TPD52: variants seen among roughly 807,000 people sequenced by gnomAD.
TPD52 encodes tumor protein D52.
In TPD52, 17 loss-of-function variants were observed where a neutral mutation model predicts 31.3. The observed-to-expected ratio is 0.54, with a 90% CI of 0.37 to 0.82. TPD52 has a LOEUF of 0.82. Ranked by LOEUF, TPD52 falls within the 40% of genes least tolerant of loss-of-function variation. TPD52 has a pLI of 0.00. For missense variants in TPD52, 212 were observed against 240.1 expected, an observed-to-expected ratio of 0.88 and a Z score of 0.77; for synonymous variants, 83 against 89.6, an observed-to-expected ratio of 0.93 and a Z score of 0.42.
At chr8:80,049,516 G>A (rs1308761918) in intron 5 of TPD52, among the ~76,000 whole-genome samples, 1 of 152,074 alleles carries the variant, frequency 6.6e-6, no homozygotes, top group Non-Finnish European at 1.5e-5. Context: ...ACCAAGATAG[G>A]AGCTTTAAGT....
chr8:80,136,164 T>A (rs114680287), intron 1 of TPD52, among the ~76,000 whole-genome samples: 20,880 of 101,688 alleles, frequency 0.21, 2,495 homozygotes, highest in African/African-American at 0.4. Context: ...AAAAAAAAAA[T>A]TTCAGTCTTT....
chr8:80,093,482 TG>T (rs1265968998), intron 1 of TPD52, among the ~76,000 whole-genome samples: 1 of 152,178 alleles, frequency 6.6e-6, no homozygotes, highest in South Asian at 2.1e-4. Flanking sequence ...CAGCTATTCC[TG>T]GCAATGAGAG....
chr8:80,165,718 G>T (rs1265605801), intron 1 of TPD52, among the ~76,000 whole-genome samples: 1 of 151,990 alleles, frequency 6.6e-6, no homozygotes, highest in Admixed American at 6.5e-5. Flanking sequence ...CTCTTTTTTT[G>T]ACCTAGTATA....
intron 4 of TPD52, 125 bp downstream of exon 4, chr8:80,051,402 G>A (rs1811374979): frequency 4.9e-6 from 4 of 821,312 alleles, no homozygotes; most frequent in South Asian, 3.1e-5. Flanking sequence ...TTGAAGGAGT[G>A]CCCTCCCTCA....
chr8:80,151,079 G>A (rs1810537292), intron 1 of TPD52, among the ~76,000 whole-genome samples: 1 of 152,150 alleles, frequency 6.6e-6, no homozygotes, highest in South Asian at 2.1e-4. Context: ...AATCACGGGG[G>A]CAGGTCTTTC....
chr8:80,093,508 CTT>C (rs1729009694), intron 1 of TPD52, among the ~76,000 whole-genome samples: 1 of 152,198 alleles, frequency 6.6e-6, no homozygotes, highest in South Asian at 2.1e-4. Context: ...ATATGAAACA[CTT>C]TTCCTTAAGG....
At chr8:80,034,340 T>A (rs528785448), downstream of TPD52, among the ~76,000 whole-genome samples, 1 of 151,848 alleles carries the variant, frequency 6.6e-6, no homozygotes, top group Non-Finnish European at 1.5e-5. Context: ...CACAAGCTCC[T>A]GCCCTGCCAA....
chr8:80,148,048 C>T (rs1810322288), intron 1 of TPD52, among the ~76,000 whole-genome samples: 1 of 152,112 alleles, frequency 6.6e-6, no homozygotes, highest in African/African-American at 2.4e-5. Flanking sequence ...GAGAGACTGC[C>T]TTAAGAGGTA....
At chr8:80,155,139 AG>A (rs1810871684) in intron 1 of TPD52, among the ~76,000 whole-genome samples, 1 of 152,004 alleles carries the variant, frequency 6.6e-6, no homozygotes, top group African/African-American at 2.4e-5. Context: ...CTAGGATTAC[AG>A]GCATAAACAA....
chr8:80,168,886 A>G (rs895746627), intron 1 of TPD52, among the ~76,000 whole-genome samples: 5 of 152,360 alleles, frequency 3.3e-5, no homozygotes, highest in Admixed American at 6.5e-5. Context: ...CAGTCAACAC[A>G]TATTTCTAAG....
At position 80,042,601 on chromosome 8, in the gene TPD52, T is replaced by C. The variant is rs1214591139; in HGVS notation, c.504+19A>G. The C allele has an allele frequency of 6.2e-7, 1 of 1,603,068 alleles. No homozygotes were observed. The highest frequency in any genetic ancestry group is 8.5e-7 in the Non-Finnish European group (1 of 1,174,652). The stretch of plus-strand genomic sequence containing the variant: ...ACCAGGCAATGTATCAAAAAGACCC[T>C]GTTCATCTCTCTACTTGCCTTTAAG... On this transcript the variant is annotated intron_variant, in intron 7 of 7. Transcript: ENST00000518937.
chr8:80,074,075 T>G (rs75592696), intron 1 of TPD52, among the ~76,000 whole-genome samples: 4 of 152,156 alleles, frequency 2.6e-5, no homozygotes, highest in African/African-American at 9.7e-5. Flanking sequence ...AAAGAATCTG[T>G]TAACATATAT....
intron 1 of TPD52, among the ~76,000 whole-genome samples, chr8:80,154,706 TACACACACACACACACAC>T (rs36076685): frequency 9.0e-4 from 70 of 77,704 alleles, no homozygotes; most frequent in African/African-American, 5.8e-3. Context: ...AATCATGACA[TACACACACACACACACAC>T]ACACACACAC....
intron 1 of TPD52, among the ~76,000 whole-genome samples, chr8:80,065,228 C>CAT (rs142459673): frequency 0.016 from 2,465 of 150,168 alleles, 64 homozygotes; most frequent in African/African-American, 0.056. Flanking sequence ...TTCAAGCCAT[C>CAT]ATATATATAT....
intron 1 of TPD52, among the ~76,000 whole-genome samples, chr8:80,120,705 G>T (rs938853548): frequency 6.6e-6 from 1 of 152,240 alleles, no homozygotes; most frequent in Admixed American, 6.5e-5. Context: ...AAATATCTAA[G>T]ATAAATATTT....
chr8:80,066,309 T>G (rs564714400), intron 1 of TPD52, among the ~76,000 whole-genome samples: 1 of 152,088 alleles, frequency 6.6e-6, no homozygotes, highest in South Asian at 2.1e-4. Flanking sequence ...ATAATAATAA[T>G]CATCAGCATG....
chr8:80,167,373 G>GT (rs1563675667), intron 1 of TPD52, among the ~76,000 whole-genome samples: 1 of 152,182 alleles, frequency 6.6e-6, no homozygotes, highest in Non-Finnish European at 1.5e-5. Context: ...GTGAGTGAGC[G>GT]TATTTGTTTT....
At chr8:80,100,008 T>A (rs1193671461) in intron 1 of TPD52, among the ~76,000 whole-genome samples, 1 of 152,230 alleles carries the variant, frequency 6.6e-6, no homozygotes, top group East Asian at 1.9e-4. Flanking sequence ...TTCTGTGGAT[T>A]TCTAAGAAGG....
At chr8:80,055,067 T>C (rs1234654520) in intron 2 of TPD52, among the ~76,000 whole-genome samples, 1 of 152,218 alleles carries the variant, frequency 6.6e-6, no homozygotes, top group Non-Finnish European at 1.5e-5. Flanking sequence ...TGAATTCTCA[T>C]GTACACTCTC....
Sources: allele counts gnomAD v4.1 joint callset (sites outside exome capture counted in the v4.1 genomes callset), GRCh38; gene constraint gnomAD v4.1.1; transcripts MANE v1.5; gene names NCBI Gene and HGNC (gene_info 2026-07-23, HGNC 2026-07-21).